The following DNAH3 variants were observed in gnomAD, a reference collection of about 807,000 sequenced individuals.
The protein encoded by DNAH3 is axonemal beta dynein heavy chain 3.
In DNAH3, 332 loss-of-function variants were observed where a neutral mutation model predicts 432.5. That is an observed-to-expected ratio of 0.77 (90% confidence interval 0.70 to 0.84). The LOEUF (loss-of-function observed/expected upper bound fraction) is 0.84. Among genes scored for constraint, DNAH3 ranks in the 40% least tolerant of loss-of-function variants. The probability of loss-of-function intolerance (pLI) is 0.00; values close to 1 mark genes in which losing one functional copy is unlikely to be tolerated. For missense variants in DNAH3, 4,861 were observed against 5,114.0 expected, an observed-to-expected ratio of 0.95 and a Z score of 1.51; for synonymous variants, 1,956 against 1,900.2, an observed-to-expected ratio of 1.03 and a Z score of -0.76.
exon 48 of DNAH3, chr16:20,985,650 T>A (rs2086155507): frequency 6.2e-7 from 1 of 1,614,048 alleles, no homozygotes; most frequent in Admixed American, 1.7e-5. Context: ...TGAAATAATC[T>A]CCAAAGAAGA....
At chr16:21,079,366 G>A (rs1033904831) in intron 20 of DNAH3, among the ~76,000 whole-genome samples, 3 of 152,338 alleles carry the variant, frequency 2.0e-5, no homozygotes, top group African/African-American at 7.2e-5. Flanking sequence ...GCTCACGCCT[G>A]TAATCCCAGT....
chr16:21,049,787 G>C (rs2089875389), intron 30 of DNAH3, 105 bp from the exon 31 acceptor site: 5 of 1,339,518 alleles, frequency 3.7e-6, no homozygotes, highest in Non-Finnish European at 5.3e-6. Context: ...TGCTCTGCTT[G>C]AAGGAGCTGG....
intron 46 of DNAH3, 82 bp from the exon 47 acceptor site, chr16:20,987,530 G>C: frequency 3.2e-6 from 5 of 1,571,868 alleles, no homozygotes; most frequent in Non-Finnish European, 4.3e-6. Flanking sequence ...AAGTCCTGGG[G>C]TTGATTTGAG....
In DNAH3 at chr16:21,127,676, C is replaced by T. The variant is rs1320678213; in HGVS notation, c.1208+11G>A. ...CCATGGTGCAGCCCCACTTGGAGGG[C>T]AGATACTGACTTGTTGAGAAGAGTC... On this transcript the variant is annotated intron_variant, in intron 8 of 61. Transcript: ENST00000261383. 1 of 1,613,778 alleles carries T rather than the reference C, an allele frequency of 6.2e-7. No homozygotes were observed. Among genetic ancestry groups the T allele is most frequent in the East Asian group, 2.2e-5 (1 of 44,868 alleles).
At chr16:20,979,572 G>A in intron 49 of DNAH3, 26 bp from the exon 50 acceptor site, 1 of 1,608,196 alleles carries the variant, frequency 6.2e-7, no homozygotes, top group Non-Finnish European at 8.5e-7. Context: ...AGGCGGTTAG[G>A]CAGGACCCAA....
intron 29 of DNAH3, 127 bp downstream of exon 29, chr16:21,051,542 TG>T: frequency 1.1e-6 from 1 of 935,586 alleles, no homozygotes; most frequent in Non-Finnish European, 1.6e-6. Context: ...TTTGGGACTA[TG>T]GAGAATCTAA....
chr16:21,058,441 T>A (rs77118590), intron 26 of DNAH3, among the ~76,000 whole-genome samples: 1 of 152,144 alleles, frequency 6.6e-6, no homozygotes, highest in East Asian at 1.9e-4. Flanking sequence ...TGCTCCCATT[T>A]ATCAAATTTT....
At chr16:20,952,411 G>A (rs370235264) in intron 56 of DNAH3, 22 bp downstream of exon 56, 8 of 1,483,244 alleles carry the variant, frequency 5.4e-6, no homozygotes, top group Non-Finnish European at 7.5e-6. Context: ...GTTTACAGTG[G>A]AAAAACTCCT....
Position 21,106,475 on chromosome 16 carries a change from TG to T in DNAH3, c.2284+14del, listed in dbSNP as rs1490045710. 3 of 1,561,412 alleles carry T rather than the reference TG, an allele frequency of 1.9e-6. No individual in the cohort carries two copies. Among genetic ancestry groups the T allele is most frequent in the Middle Eastern group, 1.7e-4 (1 of 5,864 alleles). ...AGGTATGCATTTCGATGGTCACACA[TG>T]GCATTGGACTTACACGGCAAGTCTG... On this transcript the variant is annotated intron_variant, in intron 15 of 61. Transcript: ENST00000261383.
In DNAH3 at chr16:21,016,697, T is replaced by C. The variant is rs918398728; in HGVS notation, c.6022+2927A>G. Among the ~76,000 whole-genome samples, 11 of 152,234 alleles carry C rather than the reference T, an allele frequency of 7.2e-5. No individual in the cohort carries two copies. The East Asian group carries it at 9.6e-4, about 13-fold the overall frequency. On this transcript the variant is annotated intron_variant, in intron 41 of 61. Transcript: ENST00000261383. ...AATAGCAGAGACTCAAAAGACAGTA[T>C]TTGTACACCCATGTTCATAGCAGCT...
intron 18 of DNAH3, among the ~76,000 whole-genome samples, chr16:21,094,441 C>T (rs2091621893): frequency 6.6e-6 from 1 of 152,052 alleles, no homozygotes; most frequent in Admixed American, 6.6e-5. Flanking sequence ...GAGGCCGAGG[C>T]AGGTGGATCA....
At chr16:21,145,329 C>T in exon 3 of DNAH3, 2 of 1,614,166 alleles carry the variant, frequency 1.2e-6, no homozygotes, top group African/African-American at 1.3e-5. Flanking sequence ...GGTGGTGATG[C>T]TGTTCTTTGA....
intron 43 of DNAH3, among the ~76,000 whole-genome samples, chr16:20,998,624 A>C (rs2086868799): frequency 6.6e-6 from 1 of 150,916 alleles, no homozygotes; most frequent in Non-Finnish European, 1.5e-5. Flanking sequence ...GCAGGGACTC[A>C]TTTTCCCCAG....
chr16:21,134,046 G>A, intron 7 of DNAH3: 1 of 494,716 alleles, frequency 2.0e-6, no homozygotes, highest in Non-Finnish European at 3.6e-6. Context: ...CTTAGAGACA[G>A]GCACAGGGTG....
At chr16:21,114,840 T>C (rs1239174056) in intron 12 of DNAH3, among the ~76,000 whole-genome samples, 1 of 152,196 alleles carries the variant, frequency 6.6e-6, no homozygotes, top group African/African-American at 2.4e-5. Flanking sequence ...TGGTGATTCC[T>C]CAAGGATCTA....
At chr16:21,044,721 G>A (rs1226166613) in intron 31 of DNAH3, among the ~76,000 whole-genome samples, 4 of 77,698 alleles carry the variant, frequency 5.1e-5, no homozygotes, top group Admixed American at 1.6e-4. Context: ...TTGAATAGGA[G>A]TGGTGAGAGA....
At chr16:21,147,048 C>T (rs1414630591) in intron 1 of DNAH3, among the ~76,000 whole-genome samples, 1 of 152,086 alleles carries the variant, frequency 6.6e-6, no homozygotes, top group African/African-American at 2.4e-5. Context: ...GCATGAGCCA[C>T]CACGCCCGGC....
intron 50 of DNAH3, among the ~76,000 whole-genome samples, chr16:20,978,024 A>G (rs1284934815): frequency 1.3e-5 from 2 of 152,174 alleles, no homozygotes; most frequent in African/African-American, 2.4e-5. Context: ...CTGTAAATCA[A>G]TCAATGTTCT....
intron 56 of DNAH3, 37 bp downstream of exon 56, chr16:20,952,396 T>A: frequency 7.9e-7 from 1 of 1,260,652 alleles, no homozygotes; most frequent in Non-Finnish European, 1.2e-6. Flanking sequence ...AACATGATAC[T>A]GGAGGTTTAC....
Sources: gnomAD v4.1 joint callset for allele counts (sites outside exome capture counted in the v4.1 genomes callset) on GRCh38, gnomAD v4.1.1 for gene constraint, MANE v1.5 for transcripts, NCBI Gene and HGNC (gene_info 2026-07-23, HGNC 2026-07-21) for gene names.